Variants in SPIDR observed in about 807,000 individuals in gnomAD.
SPIDR encodes scaffold protein involved in DNA repair.
SPIDR carries 93 observed loss-of-function variants against 104.6 expected under a neutral mutation model. The observed-to-expected ratio is 0.89, with a 90% CI of 0.75 to 1.06. The LOEUF (loss-of-function observed/expected upper bound fraction) is 1.06. Among genes scored for constraint, SPIDR ranks in the 50% least tolerant of loss-of-function variants. The probability of loss-of-function intolerance (pLI) is 0.00; values close to 1 mark genes in which losing one functional copy is unlikely to be tolerated. For synonymous variants in SPIDR, 431 were observed against 416.9 expected (o/e 1.03, Z -0.41); for missense variants, 1,154 against 1,111.2 (o/e 1.04, Z -0.55).
chr8:47,563,572 C>A (rs2057356469), intron 8 of SPIDR, among the ~76,000 whole-genome samples: 1 of 152,178 alleles, frequency 6.6e-6, no homozygotes, highest in East Asian at 1.9e-4. Context: ...TTGTCATGTA[C>A]CATTGTGCCC....
In SPIDR at chr8:47,735,593, A is replaced by G; in HGVS notation, c.*143A>G. 1.3e-6 allele frequency: 2 copies of G among 1,487,760 alleles called. No individual in the cohort carries two copies. The highest frequency in any genetic ancestry group is 1.4e-5 in the African/African-American group (1 of 71,698). The allele number at this position is 1,487,760 out of a possible 1,614,324, so 92.2% of individuals were successfully genotyped here. A position where few individuals can be genotyped will look rare whatever the true frequency, so the allele number is the denominator to read the frequency against. On this transcript the variant is annotated 3_prime_UTR_variant, in exon 20 of 20. Coordinates refer to ENST00000297423, the MANE Select transcript of SPIDR (RefSeq NM_001080394.4). ...AATGAAACTTAGATTTTTCTGGGGA[A>G]ATGTTCAGATACAGTTTTGTGAACT...
At chr8:47,383,328 A>G (rs1433946486) in intron 5 of SPIDR, among the ~76,000 whole-genome samples, 1 of 152,204 alleles carries the variant, frequency 6.6e-6, no homozygotes, top group Non-Finnish European at 1.5e-5. Flanking sequence ...GGCCTCTTCT[A>G]GTATATCACT....
In SPIDR at chr8:47,539,065, T is replaced by C. The variant is rs141817881; in HGVS notation, c.1098-56746T>C. Among the ~76,000 whole-genome samples the C allele has an allele frequency of 9.1e-3, 1,380 of 151,986 alleles. 23 individuals are homozygous for C. The highest frequency in any genetic ancestry group is 0.031 in the African/African-American group (1,285 of 41,456). ...TAGTAGAGACGTGGTTTCACCAGGT[T>C]GGCCAGGCTGGTCTCGAACTCCTGA... On this transcript the variant is annotated intron_variant, in intron 8 of 19. Transcript: ENST00000297423.
chr8:47,507,277 G>T (rs1379222425), intron 8 of SPIDR, among the ~76,000 whole-genome samples: 1 of 152,202 alleles, frequency 6.6e-6, no homozygotes, highest in African/African-American at 2.4e-5. Flanking sequence ...TCCATGATAT[G>T]TGCCCATAAA....
chr8:47,625,470 T>C (rs1588529847), intron 10 of SPIDR, among the ~76,000 whole-genome samples: 5 of 152,230 alleles, frequency 3.3e-5, no homozygotes, highest in Admixed American at 3.3e-4. Flanking sequence ...GATGACATGA[T>C]TGCATATCTA....
chr8:47,699,417 G>A (rs974923564), intron 11 of SPIDR, among the ~76,000 whole-genome samples: 1 of 152,198 alleles, frequency 6.6e-6, no homozygotes, highest in South Asian at 2.1e-4. Context: ...GGGCCCTGCT[G>A]TTCCCCATCT....
intron 8 of SPIDR, among the ~76,000 whole-genome samples, chr8:47,468,081 A>G (rs936272646): frequency 2.0e-5 from 3 of 152,074 alleles, no homozygotes; most frequent in Non-Finnish European, 4.4e-5. Context: ...TGAGAGCCAA[A>G]TCAGGAATGC....
Position 47,361,220 on chromosome 8 carries a change from A to G in SPIDR, c.526-35156A>G, listed in dbSNP as rs2055840189. On this transcript the variant is annotated intron_variant, in intron 5 of 19. Coordinates refer to ENST00000297423, the MANE Select transcript of SPIDR (RefSeq NM_001080394.4). Reference sequence around the variant, plus strand: ...CATATGGAGCATCAGGAGGAGGAAAACTGCATTGTCAGCCACAAGGCAGTG... The same window carrying G: ...CATATGGAGCATCAGGAGGAGGAAAGCTGCATTGTCAGCCACAAGGCAGTG... Among the ~76,000 whole-genome samples, 3 of 152,170 alleles carry G rather than the reference A, an allele frequency of 2.0e-5. No homozygotes were observed. The South Asian group carries it at 6.2e-4, about 32-fold the overall frequency.
At chr8:47,361,519 G>C (rs1176640792) in intron 5 of SPIDR, among the ~76,000 whole-genome samples, 1 of 152,226 alleles carries the variant, frequency 6.6e-6, no homozygotes, top group African/African-American at 2.4e-5. Flanking sequence ...ACATATGAGT[G>C]CTAGTTAGAG....
rs78771702 is a variant in SPIDR at position 47,522,533 on chromosome 8, C to T, written c.1098-73278C>T. 4.8e-3 allele frequency among the ~76,000 whole-genome samples: 724 copies of T among 152,234 alleles called. 5 individuals carry two copies. Among genetic ancestry groups the T allele is most frequent in the African/African-American group, 0.016 (685 of 41,532 alleles). ...AGGGAAAGAGGAAGTCTCTATGTCC[C>T]GGTTACCAGCATGACCCCAGGTCAA... On this transcript the variant is annotated intron_variant, in intron 8 of 19. Coordinates refer to ENST00000297423, the MANE Select transcript of SPIDR (RefSeq NM_001080394.4).
At chr8:47,576,399 C>T (rs1039187641) in intron 8 of SPIDR, among the ~76,000 whole-genome samples, 28 of 152,356 alleles carry the variant, frequency 1.8e-4, no homozygotes, top group African/African-American at 6.5e-4. Flanking sequence ...GATCCGTCCG[C>T]CTTGGCCTCC....
intron 5 of SPIDR, among the ~76,000 whole-genome samples, chr8:47,298,599 A>G (rs1167048773): frequency 6.6e-6 from 1 of 152,212 alleles, no homozygotes; most frequent in Non-Finnish European, 1.5e-5. Flanking sequence ...CTAACATGTA[A>G]GTCTTTAATC....
intron 8 of SPIDR, among the ~76,000 whole-genome samples, chr8:47,507,497 C>T (rs988456417): frequency 6.6e-6 from 1 of 152,192 alleles, no homozygotes; most frequent in Non-Finnish European, 1.5e-5. Context: ...GATACGAGCT[C>T]CTCAGACAGC....
intron 9 of SPIDR, among the ~76,000 whole-genome samples, chr8:47,597,240 A>C (rs2061723952): frequency 6.6e-6 from 1 of 152,020 alleles, no homozygotes; most frequent in Admixed American, 6.6e-5. Context: ...TTATACTTTA[A>C]GTTTTAGGGT....
intron 1 of SPIDR, chr8:47,279,310 C>T (rs1409880010): frequency 6.5e-6 from 1 of 152,870 alleles, no homozygotes; most frequent in Non-Finnish European, 1.5e-5. Context: ...TTCTGTGTGT[C>T]TGCCACCCCT....
intron 8 of SPIDR, among the ~76,000 whole-genome samples, chr8:47,507,774 A>G (rs2081708035): frequency 6.6e-6 from 1 of 152,188 alleles, no homozygotes; most frequent in African/African-American, 2.4e-5. Flanking sequence ...TCAGCTGTTC[A>G]TTCTCCACTA....
At chr8:47,379,043 C>G (rs2362554) in intron 5 of SPIDR, among the ~76,000 whole-genome samples, 79,780 of 152,000 alleles carry the variant, frequency 0.52, 24,650 homozygotes, top group East Asian at 0.72. Flanking sequence ...GGAAGGGGCT[C>G]GTGGCTTTGG....
chr8:47,651,629 T>TA (rs1043347430), intron 10 of SPIDR, among the ~76,000 whole-genome samples: 10 of 152,144 alleles, frequency 6.6e-5, no homozygotes, highest in South Asian at 2.1e-4. Context: ...AATCATTATA[T>TA]AAAAAAAGAC....
chr8:47,295,772 T>A (rs1315932678), intron 5 of SPIDR, among the ~76,000 whole-genome samples: 2 of 152,150 alleles, frequency 1.3e-5, no homozygotes, highest in Non-Finnish European at 2.9e-5. Flanking sequence ...GTGCAGATAT[T>A]TTTTTAGCAT....
Sources: gnomAD v4.1 joint callset for allele counts (sites outside exome capture counted in the v4.1 genomes callset) on GRCh38, gnomAD v4.1.1 for gene constraint, MANE v1.5 for transcripts, NCBI Gene and HGNC (gene_info 2026-07-23, HGNC 2026-07-21) for gene names.